The following TMIGD2 variants were observed in gnomAD, a reference collection of about 807,000 sequenced individuals.
TMIGD2 encodes the protein transmembrane and immunoglobulin domain containing 2.
Under a neutral mutation model 22.6 loss-of-function variants are expected in TMIGD2, and 18 were observed. The ratio of observed to expected loss-of-function variants is 0.80; its 90% CI spans 0.55 to 1.18. The LOEUF is 1.18. Among genes scored for constraint, TMIGD2 ranks in the 50% most tolerant of loss-of-function variants. The probability of loss-of-function intolerance (pLI) is 0.00; values close to 1 mark genes in which losing one functional copy is unlikely to be tolerated. For missense variants in TMIGD2, 361 were observed against 378.2 expected (o/e 0.95, Z 0.38); for synonymous variants, 184 against 154.1 (o/e 1.19, Z -1.44).
intron 2 of TMIGD2, among the ~76,000 whole-genome samples, chr19:4,296,975 C>T (rs143616087): frequency 3.0e-3 from 452 of 152,208 alleles, no homozygotes; most frequent in African/African-American, 0.01. Context: ...ATGTCTTGGC[C>T]CTCTCTGGTT....
chr19:4,302,288 G>A, intron 1 of TMIGD2, 52 bp downstream of exon 1: 1 of 1,534,522 alleles, frequency 6.5e-7, no homozygotes, highest in African/African-American at 1.4e-5. Flanking sequence ...GCAGGCAGCT[G>A]GGGATGACAG....
chr19:4,302,078 G>A (rs1009428675), intron 1 of TMIGD2, among the ~76,000 whole-genome samples: 1 of 152,162 alleles, frequency 6.6e-6, no homozygotes, highest in Non-Finnish European at 1.5e-5. Flanking sequence ...AAGAGGGAGG[G>A]AGCAAAGGCA....
chr19:4,293,050 G>A (rs1162479043), intron 4 of TMIGD2, among the ~76,000 whole-genome samples, 165 bp from the exon 5 acceptor site: 7 of 151,068 alleles, frequency 4.6e-5, no homozygotes, highest in African/African-American at 7.3e-5. Context: ...TGCAAGCTTC[G>A]CCTCCTGGGT....
At position 4,297,908 on chromosome 19, in the gene TMIGD2, T is replaced by C. The variant is rs1213128655; in HGVS notation, c.406+78A>G. 4.1e-6 allele frequency: 6 copies of C among 1,452,062 alleles called. No individual in the cohort carries two copies. In the African/African-American group the frequency reaches 7.2e-5, roughly 17 times the overall value. The allele number at this position is 1,452,062 out of a possible 1,614,324, so 89.9% of individuals were successfully genotyped here. On this transcript the variant is annotated intron_variant, in intron 2 of 4. Transcript: ENST00000301272. ...TGAAGAATTTAGAGTTTTTTGTTTC[T>C]AGGAGTTTAAGACTCAAAAGTCTTA...
At chr19:4,300,280 C>T (rs773766938) in intron 1 of TMIGD2, among the ~76,000 whole-genome samples, 56 of 143,528 alleles carry the variant, frequency 3.9e-4, no homozygotes, top group African/African-American at 1.3e-3. Context: ...AAAACAAGGC[C>T]GGGTGCAGTG....
At chr19:4,292,931 G>A in intron 4 of TMIGD2, 46 bp from the exon 5 acceptor site, 4 of 1,600,978 alleles carry the variant, frequency 2.5e-6, no homozygotes, top group Middle Eastern at 1.7e-4. Flanking sequence ...AGAGAGTCCT[G>A]CCCTCTCCAG....
intron 1 of TMIGD2, among the ~76,000 whole-genome samples, chr19:4,298,884 T>C (rs906976105): frequency 1.3e-5 from 2 of 152,188 alleles, no homozygotes; most frequent in Non-Finnish European, 2.9e-5. Flanking sequence ...TCTCCAGTAC[T>C]CAGCTACACA....
chr19:4,298,059 C>T, exon 2 of TMIGD2: 2 of 1,613,652 alleles, frequency 1.2e-6, no homozygotes, highest in South Asian at 2.2e-5. Context: ...CCGCCCAGCA[C>T]ACGTACGCCC....
chr19:4,298,430 C>G (rs1971493255), intron 1 of TMIGD2, 85 bp from the exon 2 acceptor site: 11 of 1,466,262 alleles, frequency 7.5e-6, no homozygotes, highest in Non-Finnish European at 9.9e-6. Context: ...AGCCCGCAGT[C>G]TGGGTTTGAA....
chr19:4,297,500 G>T (rs537761264), intron 2 of TMIGD2, among the ~76,000 whole-genome samples: 1 of 152,248 alleles, frequency 6.6e-6, no homozygotes, highest in African/African-American at 2.4e-5. Context: ...CTCCCAAAAT[G>T]CTGGGATTAC....
intron 4 of TMIGD2, 34 bp from the exon 5 acceptor site, chr19:4,292,919 TAA>T (rs769200822): frequency 4.3e-6 from 7 of 1,611,372 alleles, no homozygotes; most frequent in Admixed American, 3.3e-5. Flanking sequence ...GAGGATCACT[TAA>T]GAGAGTCCTG....
At chr19:4,301,692 C>CA (rs1252368679) in intron 1 of TMIGD2, among the ~76,000 whole-genome samples, 2 of 151,798 alleles carry the variant, frequency 1.3e-5, no homozygotes, top group African/African-American at 2.4e-5. Context: ...AACAAACAAA[C>CA]AAAAAAACAC....
At chr19:4,298,003 C>T (rs754708421) in exon 2 of TMIGD2, 4 of 1,601,940 alleles carry the variant, frequency 2.5e-6, no homozygotes, top group South Asian at 2.2e-5. Context: ...CACAAAGAGC[C>T]TTGTTATGTT....
At chr19:4,298,823 C>T (rs770727978) in intron 1 of TMIGD2, among the ~76,000 whole-genome samples, 1 of 152,134 alleles carries the variant, frequency 6.6e-6, no homozygotes, top group Non-Finnish European at 1.5e-5. Context: ...TCAACAACCC[C>T]ATCTGTAAGA....
At position 4,293,154 on chromosome 19, in the gene TMIGD2, G is replaced by A. The variant is rs562092890; in HGVS notation, c.563-269C>T. On this transcript the variant is annotated intron_variant, in intron 4 of 4. Coordinates refer to ENST00000301272, the Ensembl canonical transcript of TMIGD2. ...GATTTTTTGTATTTTTAGTAGAGAC[G>A]GGGTTTCACTGTTAGCCAGGATGGT... Among the ~76,000 whole-genome samples the A allele has an allele frequency of 3.6e-4, 55 of 151,610 alleles. 1 individual carries two copies. The highest frequency in any genetic ancestry group is 2.0e-3 in the Admixed American group (31 of 15,224).
At chr19:4,293,429 T>C (rs1294734945) in intron 4 of TMIGD2, among the ~76,000 whole-genome samples, 1 of 149,072 alleles carries the variant, frequency 6.7e-6, no homozygotes, top group Non-Finnish European at 1.5e-5. Context: ...TCTGGCTAAT[T>C]TTTTGTATTT....
chr19:4,298,284 C>T (rs1971490580), exon 2 of TMIGD2: 4 of 1,607,530 alleles, frequency 2.5e-6, no homozygotes, highest in African/African-American at 1.3e-5. Context: ...CCTGACTGCC[C>T]TGCCTCACCT....
chr19:4,292,732 C>T, exon 5 of TMIGD2: 1 of 1,609,982 alleles, frequency 6.2e-7, no homozygotes, highest in Non-Finnish European at 8.5e-7. Flanking sequence ...GGGGCAGGGT[C>T]TTGACGCCAG....
chr19:4,296,625 AT>A (rs1292623411), intron 2 of TMIGD2, among the ~76,000 whole-genome samples: 15 of 152,252 alleles, frequency 9.9e-5, no homozygotes, highest in African/African-American at 3.6e-4. Context: ...GCCTCCTCTA[AT>A]TGCTAATTGG....
Sources: allele counts gnomAD v4.1 joint callset (sites outside exome capture counted in the v4.1 genomes callset), GRCh38; gene constraint gnomAD v4.1.1; transcripts MANE v1.5; gene names NCBI Gene and HGNC (gene_info 2026-07-23, HGNC 2026-07-21).